The following HMGCLL1 variants were observed in gnomAD, a reference collection of about 807,000 sequenced individuals.
HMGCLL1 encodes 3-hydroxy-3-methylglutaryl-CoA lyase like 1, also known as 3-hydroxymethyl-3-methylglutaryl-CoA lyase, cytoplasmic.
A neutral mutation model predicts 39.1 loss-of-function variants in HMGCLL1; 36 were observed. That is an observed-to-expected ratio of 0.92 (90% CI 0.71 to 1.22). HMGCLL1 has a LOEUF of 1.22. Among genes scored for constraint, HMGCLL1 ranks in the 50% most tolerant of loss-of-function variants. The probability of loss-of-function intolerance (pLI) is 0.00; values close to 1 mark genes in which losing one functional copy is unlikely to be tolerated. For synonymous variants in HMGCLL1, 149 were observed against 144.0 expected (o/e 1.03, Z -0.25); for missense variants, 451 against 416.5 (o/e 1.08, Z -0.72).
chr6:55,524,243 AC>A (rs755997337), intron 3 of HMGCLL1, among the ~76,000 whole-genome samples: 11 of 151,774 alleles, frequency 7.2e-5, no homozygotes, highest in Non-Finnish European at 1.6e-4. Context: ...AAAGAGACGA[AC>A]AAAGAATGTA....
chr6:55,525,518 T>G (rs1447933517), intron 3 of HMGCLL1, among the ~76,000 whole-genome samples: 1 of 151,930 alleles, frequency 6.6e-6, no homozygotes, highest in Admixed American at 6.6e-5. Flanking sequence ...TCTTGTTAAC[T>G]AAGCCAGAGT....
the HMGCLL1 span, among the ~76,000 whole-genome samples, chr6:55,661,803 G>A: frequency 6.6e-6 from 1 of 151,738 alleles, no homozygotes; most frequent in Non-Finnish European, 1.5e-5. Context: ...ATTGCTTTAG[G>A]CAGTATTGCC....
the HMGCLL1 span, among the ~76,000 whole-genome samples, chr6:55,589,900 AGAG>A: frequency 1.3e-5 from 2 of 152,170 alleles, no homozygotes; most frequent in Non-Finnish European, 2.9e-5. Flanking sequence ...ACGAAATAAA[AGAG>A]GATATAAACA....
chr6:55,639,005 A>T, the HMGCLL1 span, among the ~76,000 whole-genome samples: 2 of 152,152 alleles, frequency 1.3e-5, no homozygotes, highest in Admixed American at 1.3e-4. Context: ...CATCTGACAG[A>T]TAAACAGACT....
chr6:55,609,823 G>A, the HMGCLL1 span, among the ~76,000 whole-genome samples: 1 of 152,126 alleles, frequency 6.6e-6, no homozygotes, highest in African/African-American at 2.4e-5. Flanking sequence ...AGGGGAAGGA[G>A]GAAGCACCTG....
chr6:55,541,848 A>C lies in HMGCLL1; in HGVS notation c.190-12T>G. 1 of 1,451,398 alleles carries C rather than the reference A, an allele frequency of 6.9e-7. No homozygotes were observed. Among genetic ancestry groups the C allele is most frequent in the Non-Finnish European group, 9.5e-7 (1 of 1,048,014 alleles). 89.9% of individuals were successfully genotyped at this position (1,451,398 alleles called of 1,614,324 possible). Reference sequence around the variant, plus strand: ...GTAGGAACTATAACCTATGAAAACAAAAAATATTTTATAAGTAAATTGTAT... The same window carrying C: ...GTAGGAACTATAACCTATGAAAACACAAAATATTTTATAAGTAAATTGTAT... On this transcript the variant is annotated splice_polypyrimidine_tract_variant and intron_variant, in intron 2 of 8. Transcript: ENST00000274901.
intron 3 of HMGCLL1, among the ~76,000 whole-genome samples, chr6:55,531,138 C>T (rs982662776): frequency 1.3e-5 from 2 of 152,160 alleles, no homozygotes; most frequent in African/African-American, 2.4e-5. Flanking sequence ...CTATGGCACA[C>T]TGGAAATAAG....
At chr6:55,469,985 G>T (rs757357983) in intron 7 of HMGCLL1, among the ~76,000 whole-genome samples, 2 of 151,792 alleles carry the variant, frequency 1.3e-5, no homozygotes, top group Non-Finnish European at 2.9e-5. Flanking sequence ...TCCAGCTTCC[G>T]CAGCTGAGCC....
At chr6:55,514,021 A>C (rs1223783791) in intron 5 of HMGCLL1, 27 bp downstream of exon 5, 1 of 1,601,086 alleles carries the variant, frequency 6.2e-7, no homozygotes, top group Non-Finnish European at 8.5e-7. Context: ...CATTAACAAA[A>C]CAGAATTTGT....
At chr6:55,506,048 G>T (rs1767143072) in intron 5 of HMGCLL1, among the ~76,000 whole-genome samples, 1 of 151,632 alleles carries the variant, frequency 6.6e-6, no homozygotes, top group African/African-American at 2.4e-5. Flanking sequence ...TGCTGAACTA[G>T]GCTTTAAAAC....
At chr6:55,581,655 G>T (rs184246708), upstream of HMGCLL1, among the ~76,000 whole-genome samples, 2,291 of 151,958 alleles carry the variant, frequency 0.015, 29 homozygotes, top group Non-Finnish European at 0.025. Context: ...TTTGTGGAAG[G>T]TTCTATAGTT....
At chr6:55,640,712 T>C in the HMGCLL1 span, among the ~76,000 whole-genome samples, 4 of 151,564 alleles carry the variant, frequency 2.6e-5, no homozygotes, top group Non-Finnish European at 5.9e-5. Context: ...TCCTTATTTG[T>C]ATTATATCAT....
chr6:55,509,160 T>C (rs900272963), intron 5 of HMGCLL1, among the ~76,000 whole-genome samples: 1 of 151,946 alleles, frequency 6.6e-6, no homozygotes, highest in Non-Finnish European at 1.5e-5. Context: ...TTATGTCCCA[T>C]ATTTTGGTGG....
the HMGCLL1 span, among the ~76,000 whole-genome samples, chr6:55,642,738 C>G: frequency 6.6e-6 from 1 of 152,082 alleles, no homozygotes; most frequent in South Asian, 2.1e-4. Context: ...CACCCAGGAA[C>G]TAAGTACTAA....
At chr6:55,582,593 T>C (rs150806634), upstream of HMGCLL1, among the ~76,000 whole-genome samples, 31 of 152,262 alleles carry the variant, frequency 2.0e-4, no homozygotes, top group East Asian at 5.6e-3. Context: ...ACTTCAGCAA[T>C]ATCAAATTAT....
Position 55,491,412 on chromosome 6 carries a change from C to A in HMGCLL1, c.795+4007G>T, listed in dbSNP as rs190977692. Reference sequence around the variant, plus strand: ...GTAAAAATTAGGTAAATAATTTGGTCTTTCTAAAAGAGAATAGTAAACATA... The same window carrying A: ...GTAAAAATTAGGTAAATAATTTGGTATTTCTAAAAGAGAATAGTAAACATA... On this transcript the variant is annotated intron_variant, in intron 7 of 8. Coordinates refer to ENST00000274901, the MANE Select transcript of HMGCLL1 (RefSeq NM_001042406.2). Among the ~76,000 whole-genome samples the A allele has an allele frequency of 2.6e-5, 4 of 152,148 alleles. No individual in the cohort carries two copies. In the East Asian group the frequency reaches 7.7e-4, roughly 29 times the overall value.
intron 7 of HMGCLL1, among the ~76,000 whole-genome samples, chr6:55,482,268 T>A (rs1463716691): frequency 1.3e-5 from 2 of 152,170 alleles, no homozygotes; most frequent in Non-Finnish European, 2.9e-5. Flanking sequence ...TGTCTTTTTT[T>A]AAAAGAATGC....
intron 7 of HMGCLL1, among the ~76,000 whole-genome samples, chr6:55,441,081 A>G (rs1230653578): frequency 7.1e-6 from 1 of 141,540 alleles, no homozygotes; most frequent in African/African-American, 2.4e-5. Flanking sequence ...CATGCAATGC[A>G]GGAGAGAGAG....
chr6:55,678,571 C>A, the HMGCLL1 span, among the ~76,000 whole-genome samples: 1 of 151,990 alleles, frequency 6.6e-6, no homozygotes, highest in Non-Finnish European at 1.5e-5. Flanking sequence ...GAGGAACCAT[C>A]GAGAGAAGGG....
Sources: gnomAD v4.1 joint callset for allele counts (sites outside exome capture counted in the v4.1 genomes callset) on GRCh38, gnomAD v4.1.1 for gene constraint, MANE v1.5 for transcripts, NCBI Gene and HGNC (gene_info 2026-07-23, HGNC 2026-07-21) for gene names.